The following TTC21A variants were observed in gnomAD, a reference collection of about 807,000 sequenced individuals.
TTC21A encodes tetratricopeptide repeat domain 21A.
Under a neutral mutation model 156.4 loss-of-function variants are expected in TTC21A, and 128 were observed. The observed-to-expected ratio is 0.82, with a 90% CI of 0.71 to 0.95. The LOEUF is 0.95. Among genes scored for constraint, TTC21A ranks in the 40% least tolerant of loss-of-function variants. The pLI, the probability that TTC21A is intolerant of heterozygous loss-of-function variation, is 0.00. For synonymous variants in TTC21A, 587 were observed against 617.1 expected, an observed-to-expected ratio of 0.95 and a Z score of 0.72; for missense variants, 1,435 against 1,602.3, an observed-to-expected ratio of 0.90 and a Z score of 1.78.
chr3:39,123,858 A>G (rs2037981649), intron 9 of TTC21A, among the ~76,000 whole-genome samples: 1 of 152,210 alleles, frequency 6.6e-6, no homozygotes, highest in African/African-American at 2.4e-5. Flanking sequence ...CCCCCCCAAA[A>G]AAACCAGGCA....
rs776933185 is a variant in TTC21A at position 39,129,264 on chromosome 3, T to C, written c.2089T>C (p.Tyr697His). ...MEAREKMANIYLQTLRDRRLY... is the reference protein window; with the variant it reads ...MEAREKMANIHLQTLRDRRLY... ...AGCCAGAGAGAAGATGGCCAACATC[T>C]ACCTGCAGACCCTCAGAGACAGGCG... is the stretch of plus-strand genomic sequence containing the variant. Residue 697 changes from tyrosine (Y) to histidine (H), a missense_variant, in exon 15 of 29, where the codon TAC becomes CAC. Transcript: ENST00000683103. The C allele has an allele frequency of 1.2e-6, 2 of 1,614,242 alleles. No individual in the cohort carries two copies. Among genetic ancestry groups the C allele is most frequent in the East Asian group, 4.5e-5 (2 of 44,890 alleles).
chr3:39,129,288 C>T lies in TTC21A; in HGVS notation c.2113C>T (p.Arg705Cys), dbSNP rs764328843. The change falls in exon 15 of 29, where the codon CGC (arginine) becomes TGC (cysteine). Residue 705 changes from arginine (R) to cysteine (C), a missense_variant. Coordinates refer to ENST00000683103, the MANE Select transcript of TTC21A (RefSeq NM_001366900.1). The stretch of plus-strand genomic sequence containing the variant: ...CTACCTGCAGACCCTCAGAGACAGG[C>T]GCCTCTACATCAGATGCTACCGGTA... ...NIYLQTLRDR[R>C]LYIRCYRELC... is the part of the protein sequence containing the mutation. 2.5e-5 allele frequency: 41 copies of T among 1,613,908 alleles called. No homozygotes were observed. The highest frequency in any genetic ancestry group is 1.5e-4 in the African/African-American group (11 of 74,934).
intron 6 of TTC21A, 112 bp downstream of exon 6, chr3:39,114,854 T>A: frequency 7.6e-7 from 1 of 1,310,472 alleles, no homozygotes; most frequent in Non-Finnish European, 1.1e-6. Context: ...ATAGAGGAAC[T>A]GGGAATTGTG....
intron 20 of TTC21A, 107 bp downstream of exon 20, chr3:39,133,347 G>A: frequency 8.5e-7 from 1 of 1,173,408 alleles, no homozygotes; most frequent in East Asian, 2.5e-5. Context: ...TCTTCCCTGA[G>A]GAGTCACAGA....
chr3:39,118,820 CCT>C (rs2037504560), intron 7 of TTC21A: 2 of 152,582 alleles, frequency 1.3e-5, no homozygotes, highest in African/African-American at 4.8e-5. Context: ...AAATATATTG[CCT>C]CTATGGAGAG....
chr3:39,117,176 C>G (rs2037364904), intron 6 of TTC21A, among the ~76,000 whole-genome samples: 1 of 152,306 alleles, frequency 6.6e-6, no homozygotes, highest in South Asian at 2.1e-4. Context: ...TTTCTAATAT[C>G]TGTTTGATTC....
chr3:39,126,424 T>A, intron 12 of TTC21A, 34 bp downstream of exon 12: 1 of 1,609,552 alleles, frequency 6.2e-7, no homozygotes. Flanking sequence ...GGGTGGGGCC[T>A]TGCAAACACC....
intron 9 of TTC21A, among the ~76,000 whole-genome samples, chr3:39,122,357 C>T (rs784515): frequency 0.54 from 82,444 of 151,318 alleles, 25,447 homozygotes; most frequent in East Asian, 0.72. Context: ...CAGCGTGGAC[C>T]AGAAACTTTG....
In TTC21A at chr3:39,126,405, C is replaced by A; in HGVS notation, c.1522+15C>A. On this transcript the variant is annotated intron_variant, in intron 12 of 28. Transcript: ENST00000683103. ...GTATTACTCAGGTGAGCGGGGGATC[C>A]TGACAGCCGGGTGGGGCCTTGCAAA... is the stretch of plus-strand genomic sequence containing the variant. 6.2e-7 allele frequency: 1 copy of A among 1,606,886 alleles called. No individual in the cohort carries two copies. Among genetic ancestry groups the A allele is most frequent in the South Asian group, 1.1e-5 (1 of 90,986 alleles).
chr3:39,132,510 C>T (rs764858772), intron 19 of TTC21A, among the ~76,000 whole-genome samples: 4 of 152,210 alleles, frequency 2.6e-5, no homozygotes, highest in Non-Finnish European at 4.4e-5. Flanking sequence ...CCTTGTTTAC[C>T]ACTGGATTCC....
In TTC21A at chr3:39,130,210, G is replaced by C; in HGVS notation, c.2209-38G>C. 6.2e-7 allele frequency: 1 copy of C among 1,611,238 alleles called. No homozygotes were observed. On this transcript the variant is annotated intron_variant, in intron 16 of 28. Coordinates refer to ENST00000683103, the MANE Select transcript of TTC21A (RefSeq NM_001366900.1). This position sits in a 1 kb window ranked among gnomAD's most constrained non-coding sequence, Gnocchi z 4.5. Reference sequence around the variant, plus strand: ...CCCCCCAGTCTCCCTTCTCCAGTGGGAGAGAAGAGGAAGACCCAAAGACAC... The same window carrying C: ...CCCCCCAGTCTCCCTTCTCCAGTGGCAGAGAAGAGGAAGACCCAAAGACAC...
At position 39,124,658 on chromosome 3, in the gene TTC21A, CAA is replaced by C. The variant is rs60845030; in HGVS notation, c.1094-391_1094-390del. On this transcript the variant is annotated intron_variant, in intron 9 of 28. Transcript: ENST00000683103. The stretch of plus-strand genomic sequence containing the variant: ...TGGGCAAAAGAGCGAAACTCCGTCT[CAA>C]AAAAAAAAAAAAAGCAGATTGTAGA... Among the ~76,000 whole-genome samples the C allele has an allele frequency of 1.5e-3, 105 of 71,058 alleles. 2 individuals are homozygous for C. Among genetic ancestry groups the C allele is most frequent in the African/African-American group, 4.2e-3 (99 of 23,614 alleles). The allele number at this position is 71,058 out of a possible 152,430, so 46.6% of individuals were successfully genotyped here. A position where few individuals can be genotyped will look rare whatever the true frequency, so the allele number is the denominator to read the frequency against.
intron 9 of TTC21A, among the ~76,000 whole-genome samples, chr3:39,124,231 G>A (rs1469986810): frequency 1.3e-5 from 2 of 152,162 alleles, no homozygotes; most frequent in Non-Finnish European, 2.9e-5. Flanking sequence ...ATGTCCTTCA[G>A]TAGGGCAATA....
rs367706506 is a variant in TTC21A, at chr3:39,126,413, C to T, written c.1522+23C>T. On this transcript the variant is annotated intron_variant, in intron 12 of 28. Transcript: ENST00000683103. ...CAGGTGAGCGGGGGATCCTGACAGC[C>T]GGGTGGGGCCTTGCAAACACCTGAT... The T allele has an allele frequency of 7.3e-5, 116 of 1,584,160 alleles. No homozygotes were observed. The Middle Eastern group carries it at 5.4e-3, about 74-fold the overall frequency.
At chr3:39,135,290 C>T in intron 22 of TTC21A, 116 bp downstream of exon 22, 1 of 871,368 alleles carries the variant, frequency 1.1e-6, no homozygotes, top group Non-Finnish European at 1.9e-6. Flanking sequence ...CCCCTTCCTC[C>T]CTGATTGTTC....
chr3:39,138,756 T>C lies in TTC21A; in HGVS notation c.3910T>C (p.Leu1304=). The C allele has an allele frequency of 6.2e-7, 1 of 1,614,060 alleles. No individual in the cohort carries two copies. Among genetic ancestry groups the C allele is most frequent in the East Asian group, 2.2e-5 (1 of 44,876 alleles). The change falls in exon 29 of 29, where the codon TTG becomes CTG. Residue 1304 remains leucine, a synonymous_variant. Transcript: ENST00000683103. ...PDYPKIREEI[L]EKARRSLRP is the part of the protein sequence containing the mutation. ...CTACCCCAAGATCAGGGAGGAAATT[T>C]TGGAAAAGGCCCGAAGGTCCCTGAG...
rs1357098440 is a variant in TTC21A, at chr3:39,137,209, A to C, written c.3272A>C (p.Lys1091Thr). Residue 1091 changes from lysine to threonine, a missense_variant, in exon 25 of 29, where the codon AAG (lysine) becomes ACG (threonine). Physicochemically the swap from Lys to Thr is moderately conservative, Grantham distance 78. Coordinates refer to ENST00000683103, the MANE Select transcript of TTC21A (RefSeq NM_001366900.1). ...AACACCTGCAGCTACATGGAGAAGA[A>C]GGAGTTGGAGCAGCAGGGTGTGAGC... is the stretch of plus-strand genomic sequence containing the variant. ...QGAESNYMEK[K>T]ELEQQGVSTA... The C allele has an allele frequency of 6.2e-7, 1 of 1,612,856 alleles. No homozygotes were observed. Among genetic ancestry groups the C allele is most frequent in the African/African-American group, 1.3e-5 (1 of 74,906 alleles).
intron 9 of TTC21A, 114 bp downstream of exon 9, chr3:39,121,303 T>C: frequency 2.2e-6 from 2 of 929,304 alleles, no homozygotes; most frequent in East Asian, 2.5e-5. Flanking sequence ...GTATGTGAAT[T>C]TTGGGGTACA....
chr3:39,135,485 A>G (rs1186253934), intron 22 of TTC21A, among the ~76,000 whole-genome samples: 1 of 152,144 alleles, frequency 6.6e-6, no homozygotes, highest in African/African-American at 2.4e-5. Flanking sequence ...GGGACTAGAA[A>G]TTCTCCCCCG....
Sources: gnomAD v4.1 joint callset for allele counts (sites outside exome capture counted in the v4.1 genomes callset) on GRCh38, gnomAD v4.1.1 for gene constraint, Gnocchi (gnomAD v3.1) non-coding constraint, MANE v1.5 for transcripts, NCBI Gene and HGNC (gene_info 2026-07-23, HGNC 2026-07-21) for gene names.